NOS1AP: variants seen among roughly 807,000 people sequenced by gnomAD.
NOS1AP encodes nitric oxide synthase 1 adaptor protein, also known as carboxyl-terminal PDZ ligand of neuronal nitric oxide synthase protein.
NOS1AP carries 21 observed loss-of-function variants against 56.2 expected under a neutral mutation model. That is an observed-to-expected ratio of 0.37 (90% confidence interval 0.26 to 0.54). NOS1AP has a LOEUF of 0.54. Among genes scored for constraint, NOS1AP ranks in the 20% least tolerant of loss-of-function variants. The pLI is 0.84. For missense variants in NOS1AP, 522 were observed against 657.8 expected, an observed-to-expected ratio of 0.79 and a Z score of 2.26; for synonymous variants, 270 against 274.6, an observed-to-expected ratio of 0.98 and a Z score of 0.17.
chr1:162,165,487 G>T lies in NOS1AP; in HGVS notation c.177+11011G>T, dbSNP rs138134824. ...TATAACAACTCTGTGTGGTGTAGGT[G>T]TAATAATTATCCCATTGTCCAGATG... On this transcript the variant is annotated intron_variant, in intron 2 of 9. Coordinates refer to ENST00000361897, the MANE Select transcript of NOS1AP (RefSeq NM_014697.3). Among the ~76,000 whole-genome samples, 413 of 152,278 alleles carry T rather than the reference G, an allele frequency of 2.7e-3. 1 individual carries two copies. The highest frequency in any genetic ancestry group is 9.7e-3 in the African/African-American group (401 of 41,548).
chr1:162,211,935 GA>G (rs1652362131), intron 2 of NOS1AP, among the ~76,000 whole-genome samples: 1 of 152,164 alleles, frequency 6.6e-6, no homozygotes, highest in South Asian at 2.1e-4. Context: ...TCATTTTACA[GA>G]AAACAGAACC....
At chr1:162,159,986 G>A (rs908684036) in intron 2 of NOS1AP, among the ~76,000 whole-genome samples, 4 of 152,158 alleles carry the variant, frequency 2.6e-5, no homozygotes, top group Admixed American at 1.3e-4. Flanking sequence ...AGTGCTGTCC[G>A]TGAGGCTGGA....
intron 4 of NOS1AP, among the ~76,000 whole-genome samples, chr1:162,309,466 T>C (rs1655955980): frequency 6.6e-6 from 1 of 152,236 alleles, no homozygotes; most frequent in South Asian, 2.1e-4. Flanking sequence ...TATGCTAAGT[T>C]AAGTGCTTAT....
rs534352243 is a variant in NOS1AP at position 162,167,582 on chromosome 1, GC to G, written c.177+13107del. On this transcript the variant is annotated intron_variant, in intron 2 of 9. Coordinates refer to ENST00000361897, the MANE Select transcript of NOS1AP (RefSeq NM_014697.3). ...TTGTGGGGCTGAGGGAGGTGCCTGTGCAGCCCATTTCCCTGTGGAGGTCAGT... is the reference window on the plus strand; with the variant it reads ...TTGTGGGGCTGAGGGAGGTGCCTGTGAGCCCATTTCCCTGTGGAGGTCAGT... 2.0e-3 allele frequency among the ~76,000 whole-genome samples: 308 copies of G among 152,338 alleles called. 1 individual carries two copies. Among genetic ancestry groups the G allele is most frequent in the Non-Finnish European group, 3.7e-3 (249 of 68,028 alleles).
intron 4 of NOS1AP, among the ~76,000 whole-genome samples, chr1:162,326,442 A>G (rs1656593464): frequency 6.6e-6 from 1 of 152,194 alleles, no homozygotes; most frequent in South Asian, 2.1e-4. Flanking sequence ...AACCAATAGG[A>G]TATATGTGTG....
At chr1:162,328,098 C>T (rs1656651226) in intron 4 of NOS1AP, among the ~76,000 whole-genome samples, 1 of 152,206 alleles carries the variant, frequency 6.6e-6, no homozygotes, top group Non-Finnish European at 1.5e-5. Flanking sequence ...TCCCCAAGCC[C>T]ATGCTCTTTC....
At chr1:162,241,740 AG>A (rs1557845453) in intron 2 of NOS1AP, among the ~76,000 whole-genome samples, 1 of 152,156 alleles carries the variant, frequency 6.6e-6, no homozygotes, top group African/African-American at 2.4e-5. Context: ...TAGGTCTCCA[AG>A]GATTGACTCA....
intron 1 of NOS1AP, among the ~76,000 whole-genome samples, chr1:162,119,674 A>T (rs563081640): frequency 1.3e-5 from 2 of 152,294 alleles, no homozygotes; most frequent in Non-Finnish European, 2.9e-5. Flanking sequence ...AATTTATCGT[A>T]GTCTCCCTAA....
chr1:162,226,137 T>C (rs1275765282), intron 2 of NOS1AP, among the ~76,000 whole-genome samples: 1 of 151,402 alleles, frequency 6.6e-6, no homozygotes, highest in Non-Finnish European at 1.5e-5. Flanking sequence ...CTACTAAAAA[T>C]ACAAAATTAG....
intron 2 of NOS1AP, among the ~76,000 whole-genome samples, chr1:162,207,919 A>G (rs1222059962): frequency 6.6e-6 from 1 of 152,226 alleles, no homozygotes; most frequent in African/African-American, 2.4e-5. Context: ...TGAAAAAAAT[A>G]GTAATTCCTG....
At chr1:162,281,691 T>C (rs547839587) in intron 2 of NOS1AP, among the ~76,000 whole-genome samples, 5 of 152,334 alleles carry the variant, frequency 3.3e-5, no homozygotes, top group African/African-American at 1.2e-4. Flanking sequence ...ATGTTTAACT[T>C]GCATGTGGGG....
intron 5 of NOS1AP, among the ~76,000 whole-genome samples, chr1:162,339,118 A>G (rs1366343735): frequency 6.6e-6 from 1 of 152,130 alleles, no homozygotes. Context: ...TTCCAGCTGT[A>G]TTTTCACAAA....
intron 3 of NOS1AP, among the ~76,000 whole-genome samples, chr1:162,290,224 A>G (rs771323811): frequency 2.6e-5 from 4 of 152,214 alleles, no homozygotes; most frequent in Non-Finnish European, 4.4e-5. Flanking sequence ...TTCTGATGCC[A>G]GGCTTGGGAA....
Position 162,260,339 on chromosome 1 carries a change from A to C in NOS1AP, c.178-27005A>C, listed in dbSNP as rs1654166068. 2.0e-5 allele frequency among the ~76,000 whole-genome samples: 3 copies of C among 152,310 alleles called. No individual in the cohort carries two copies. In the South Asian group the frequency reaches 6.2e-4, roughly 32 times the overall value. On this transcript the variant is annotated intron_variant, in intron 2 of 9. Coordinates refer to ENST00000361897, the MANE Select transcript of NOS1AP (RefSeq NM_014697.3). ...CCCAGATCTGTAGGGTGGGAACTTG[A>C]AACCTATGAAACCAAGTCCTCAGTA...
At chr1:162,179,254 C>T (rs78555854) in intron 2 of NOS1AP, among the ~76,000 whole-genome samples, 166 of 152,174 alleles carry the variant, frequency 1.1e-3, no homozygotes, top group African/African-American at 2.8e-3. Flanking sequence ...AAAAATCTTA[C>T]GAAATAGATA....
In NOS1AP at chr1:162,357,089, C is replaced by T; in HGVS notation, c.892C>T (p.Gln298Ter). The change falls in exon 8 of 10, where the codon CAG becomes TAG. Residue 298 changes from glutamine to a stop codon, truncating the protein, a stop_gained. Coordinates refer to ENST00000361897, the MANE Select transcript of NOS1AP (RefSeq NM_014697.3). LOFTEE classifies it high-confidence loss of function. Reference protein sequence around the residue: ...STHHQMQLLQQLLQQQQQQTQ... With the variant: ...STHHQMQLLQ ...TCACCACCAGATGCAGCTCCTCCAG[C>T]AGCTCCTCCAGCAGCAGCAGCAGCA... 1 of 1,611,518 alleles carries T rather than the reference C, an allele frequency of 6.2e-7. No individual in the cohort carries two copies.
intron 4 of NOS1AP, among the ~76,000 whole-genome samples, chr1:162,324,900 G>A (rs1656535531): frequency 6.6e-6 from 1 of 152,168 alleles, no homozygotes; most frequent in South Asian, 2.1e-4. Flanking sequence ...AGACTGTGCT[G>A]CGATGAAGCA....
chr1:162,313,361 A>G (rs922232169), intron 4 of NOS1AP, among the ~76,000 whole-genome samples: 1 of 152,206 alleles, frequency 6.6e-6, no homozygotes, highest in Non-Finnish European at 1.5e-5. Context: ...TTCAACACCT[A>G]TTCCTCCTAG....
At chr1:162,215,045 G>A (rs6689300) in intron 2 of NOS1AP, among the ~76,000 whole-genome samples, 150,096 of 152,338 alleles carry the variant, frequency 0.99, 73,982 homozygotes, top group East Asian at 1. Flanking sequence ...CCAACCCACC[G>A]TGATAGGGCT....
Sources: allele counts gnomAD v4.1 joint callset (sites outside exome capture counted in the v4.1 genomes callset), GRCh38; gene constraint gnomAD v4.1.1; transcripts MANE v1.5; gene names NCBI Gene and HGNC (gene_info 2026-07-23, HGNC 2026-07-21).